Variants in ELMO1 observed in about 807,000 individuals in gnomAD.
ELMO1 encodes engulfment and cell motility protein 1.
A neutral mutation model predicts 98.9 loss-of-function variants in ELMO1; 26 were observed. That is an observed-to-expected ratio of 0.26 (90% confidence interval 0.19 to 0.36). The LOEUF is 0.36. Among genes scored for constraint, ELMO1 ranks in the 10% least tolerant of loss-of-function variants. The pLI, the probability that ELMO1 is intolerant of heterozygous loss-of-function variation, is 1.00. For synonymous variants in ELMO1, 346 were observed against 346.0 expected (o/e 1.00, Z 0.00); for missense variants, 627 against 935.2 (o/e 0.67, Z 4.30).
chr7:37,080,351 A>G (rs1440616514), intron 15 of ELMO1, among the ~76,000 whole-genome samples: 1 of 152,072 alleles, frequency 6.6e-6, no homozygotes, highest in Non-Finnish European at 1.5e-5. Flanking sequence ...AATCTGCCCA[A>G]CGGCTTCTCT....
At chr7:37,409,006 G>A (rs567805053) in intron 1 of ELMO1, among the ~76,000 whole-genome samples, 12 of 151,980 alleles carry the variant, frequency 7.9e-5, no homozygotes, top group African/African-American at 2.4e-4. Flanking sequence ...TTTACACATC[G>A]GGCCATGGCA....
intron 13 of ELMO1, among the ~76,000 whole-genome samples, chr7:37,195,523 C>G (rs1456323766): frequency 1.3e-5 from 2 of 152,240 alleles, no homozygotes; most frequent in African/African-American, 4.8e-5. Flanking sequence ...AGGCCCCTGT[C>G]TCACACCTTG....
At chr7:37,357,709 T>C (rs1029043185) in intron 1 of ELMO1, among the ~76,000 whole-genome samples, 4 of 152,260 alleles carry the variant, frequency 2.6e-5, no homozygotes, top group African/African-American at 9.6e-5. Context: ...GATTTTATGA[T>C]AAAATCTCTT....
At chr7:36,907,634 C>A (rs1316383937) in intron 16 of ELMO1, among the ~76,000 whole-genome samples, 1 of 152,232 alleles carries the variant, frequency 6.6e-6, no homozygotes, top group Non-Finnish European at 1.5e-5. Flanking sequence ...AGCTGTGAAG[C>A]CAGTTATTGC....
At chr7:37,141,119 A>G (rs773034012) in intron 13 of ELMO1, among the ~76,000 whole-genome samples, 1 of 152,242 alleles carries the variant, frequency 6.6e-6, no homozygotes, top group South Asian at 2.1e-4. Context: ...CTGCAAAAAT[A>G]TGGAACCAGC....
At chr7:37,044,957 G>A (rs1375929679) in intron 15 of ELMO1, among the ~76,000 whole-genome samples, 2 of 152,178 alleles carry the variant, frequency 1.3e-5, no homozygotes, top group African/African-American at 4.8e-5. Flanking sequence ...TGTTGCCTAT[G>A]TTTTGCTTAG....
At chr7:37,197,519 T>C (rs764260504) in intron 13 of ELMO1, among the ~76,000 whole-genome samples, 10 of 152,142 alleles carry the variant, frequency 6.6e-5, no homozygotes, top group Non-Finnish European at 1.2e-4. Context: ...CTGTGACAAA[T>C]AGTCACCACT....
At chr7:37,097,241 TA>T (rs1451300659) in intron 14 of ELMO1, among the ~76,000 whole-genome samples, 2 of 152,134 alleles carry the variant, frequency 1.3e-5, no homozygotes, top group Non-Finnish European at 2.9e-5. Context: ...GACTTCATAC[TA>T]AGAGAAAAAC....
In ELMO1 at chr7:37,442,819, T is replaced by C. The variant is rs764413568; in HGVS notation, c.-74+5856A>G. On this transcript the variant is annotated intron_variant, in intron 1 of 21. Coordinates refer to ENST00000310758, the MANE Select transcript of ELMO1 (RefSeq NM_014800.11). ...TCTCTGGACACCACTGCAGCATAGC[T>C]CCACATGGCATCCTGGCCTCAGAGG... 1.8e-4 allele frequency among the ~76,000 whole-genome samples: 27 copies of C among 152,196 alleles called. No homozygotes were observed. The Middle Eastern group carries it at 0.01, about 58-fold the overall frequency.
At chr7:37,445,109 C>T (rs1024024523) in intron 1 of ELMO1, among the ~76,000 whole-genome samples, 29 of 152,184 alleles carry the variant, frequency 1.9e-4, no homozygotes, top group African/African-American at 6.5e-4. Flanking sequence ...TTCCACACCA[C>T]TCTTCTCTTT....
chr7:36,941,092 A>G (rs532114396), intron 16 of ELMO1, among the ~76,000 whole-genome samples: 81 of 152,362 alleles, frequency 5.3e-4, no homozygotes, highest in African/African-American at 1.8e-3. Flanking sequence ...ATTATGTATT[A>G]CATTCTTTGG....
intron 16 of ELMO1, among the ~76,000 whole-genome samples, chr7:37,003,517 G>A (rs111262455): frequency 0.01 from 1,549 of 152,294 alleles, 14 homozygotes; most frequent in Non-Finnish European, 0.017. Flanking sequence ...GAGCAGGAGG[G>A]TCAGTGTGTG....
chr7:37,128,054 A>G (rs1786655244), intron 14 of ELMO1, among the ~76,000 whole-genome samples: 1 of 152,094 alleles, frequency 6.6e-6, no homozygotes, highest in Non-Finnish European at 1.5e-5. Flanking sequence ...TTAGCTGGGC[A>G]TGGTGGTGCG....
At chr7:37,040,521 G>C (rs553797240) in intron 15 of ELMO1, among the ~76,000 whole-genome samples, 7 of 152,300 alleles carry the variant, frequency 4.6e-5, no homozygotes, top group African/African-American at 1.2e-4. Flanking sequence ...GCATGTGCAT[G>C]ATGTGACACG....
chr7:36,969,144 T>C (rs746955884), intron 16 of ELMO1, among the ~76,000 whole-genome samples: 4 of 152,034 alleles, frequency 2.6e-5, no homozygotes, highest in Non-Finnish European at 5.9e-5. Flanking sequence ...ACCTACCTAG[T>C]AGTTGACATG....
rs376344909 is a variant in ELMO1, at chr7:37,271,877, G to A, written c.198C>T (p.Arg66=). The A allele has an allele frequency of 2.8e-5, 45 of 1,613,704 alleles. No homozygotes were observed. The African/African-American group carries it at 5.5e-4, about 20-fold the overall frequency. ...SSNFYITEKN[R]NEIKNGTILR... is the part of the protein sequence containing the mutation. Reference sequence around the variant, plus strand: ...GGATAGTGCCATTTTTTATCTCATTGCGGTTCTGGAAAAGAAGAAAAAATC... The same window carrying A: ...GGATAGTGCCATTTTTTATCTCATTACGGTTCTGGAAAAGAAGAAAAAATC... The change falls in exon 5 of 22, where the codon CGC becomes CGT. Residue 66 remains arginine, a synonymous_variant. Transcript: ENST00000310758.
intron 15 of ELMO1, among the ~76,000 whole-genome samples, chr7:37,037,933 C>G (rs1239912124): frequency 6.6e-6 from 1 of 152,128 alleles, no homozygotes; most frequent in Non-Finnish European, 1.5e-5. Flanking sequence ...GGAAAGACAG[C>G]CTGAAGACTG....
chr7:37,311,697 T>C (rs1798899485), intron 4 of ELMO1, among the ~76,000 whole-genome samples: 1 of 152,188 alleles, frequency 6.6e-6, no homozygotes, highest in Non-Finnish European at 1.5e-5. Flanking sequence ...CACCCACAGC[T>C]GTGCCCAGTG....
At chr7:36,931,827 A>C (rs1786071178) in intron 16 of ELMO1, among the ~76,000 whole-genome samples, 2 of 152,218 alleles carry the variant, frequency 1.3e-5, no homozygotes, top group African/African-American at 2.4e-5. Context: ...GAAAGGGAGA[A>C]TGGTATTCCC....
Sources: allele counts gnomAD v4.1 joint callset (sites outside exome capture counted in the v4.1 genomes callset), GRCh38; gene constraint gnomAD v4.1.1; transcripts MANE v1.5; gene names NCBI Gene and HGNC (gene_info 2026-07-23, HGNC 2026-07-21).